Variants in NETO2 observed in about 807,000 individuals in gnomAD.
NETO2 encodes the protein neuropilin and tolloid like 2.
A neutral mutation model predicts 62.5 loss-of-function variants in NETO2; 28 were observed. The ratio of observed to expected loss-of-function variants is 0.45; its 90% CI spans 0.33 to 0.61. The LOEUF is 0.61. Among genes scored for constraint, NETO2 ranks in the 20% least tolerant of loss-of-function variants. The pLI is 0.02. For synonymous variants in NETO2, 214 were observed against 219.1 expected, an observed-to-expected ratio of 0.98 and a Z score of 0.21; for missense variants, 548 against 643.2, an observed-to-expected ratio of 0.85 and a Z score of 1.60.
chr16:47,128,788 A>T (rs1016147393), intron 3 of NETO2, among the ~76,000 whole-genome samples: 1 of 152,212 alleles, frequency 6.6e-6, no homozygotes, highest in Non-Finnish European at 1.5e-5. Context: ...GGCATATGCT[A>T]TCTACTAAAT....
At position 47,080,145 on chromosome 16, in the gene NETO2, T is replaced by G. The variant is rs1210188006; in HGVS notation, c.*3076A>C. On this transcript the variant is annotated 3_prime_UTR_variant, in exon 9 of 9. Transcript: ENST00000562435. ...TTGTTAAACGTTTAGATTGACACTC[T>G]CCCCACACACAAAAGGAATATCACA... 1 of 152,234 alleles carries G rather than the reference T, an allele frequency of 6.6e-6. No homozygotes were observed. The highest frequency in any genetic ancestry group is 2.4e-5 in the African/African-American group (1 of 41,452). 9.4% of individuals were successfully genotyped at this position (152,234 alleles called of 1,614,324 possible).
In NETO2 at chr16:47,081,013, T is replaced by C. The variant is rs1290856740; in HGVS notation, c.*2208A>G. 1 of 152,182 alleles carries C rather than the reference T, an allele frequency of 6.6e-6. No homozygotes were observed. Among genetic ancestry groups the C allele is most frequent in the East Asian group, 1.9e-4 (1 of 5,204 alleles). 9.4% of individuals were successfully genotyped at this position (152,182 alleles called of 1,614,324 possible). ...AAAACTGTGTACTTCTATTTTACTG[T>C]TATGTCTTCTTTAAAGGCTCTGTAT... On this transcript the variant is annotated 3_prime_UTR_variant, in exon 9 of 9. Transcript: ENST00000562435.
In NETO2 at chr16:47,128,338, A is replaced by G; in HGVS notation, c.468T>C (p.Tyr156=). Residue 156 remains tyrosine, a synonymous_variant, in exon 4 of 9, where the codon TAT becomes TAC. Transcript: ENST00000562435. ...ELEGLGFRAK[Y]SFIPDPDFTY... ...CTTATTCTTTACCTGGAATAAATGA[A>G]TATTTTGCTCGAAATCCCAGTCCTT... is the stretch of plus-strand genomic sequence containing the variant. The G allele has an allele frequency of 6.2e-7, 1 of 1,613,388 alleles. No individual in the cohort carries two copies. The highest frequency in any genetic ancestry group is 8.5e-7 in the Non-Finnish European group (1 of 1,179,690).
intron 6 of NETO2, among the ~76,000 whole-genome samples, chr16:47,120,465 G>A (rs1964014439): frequency 1.3e-5 from 2 of 152,076 alleles, no homozygotes; most frequent in Admixed American, 6.6e-5. Context: ...ATTACATTAG[G>A]ATAAATGGGG....
intron 1 of NETO2, among the ~76,000 whole-genome samples, chr16:47,132,721 G>C (rs1177320483): frequency 6.6e-6 from 1 of 152,234 alleles, no homozygotes; most frequent in Non-Finnish European, 1.5e-5. Context: ...CTGCCAGCCT[G>C]TCCCGAACTA....
intron 1 of NETO2, among the ~76,000 whole-genome samples, chr16:47,136,397 C>G (rs1325714142): frequency 6.6e-6 from 1 of 151,986 alleles, no homozygotes; most frequent in Non-Finnish European, 1.5e-5. Context: ...ATATATATAT[C>G]CAAGAATTAA....
intron 6 of NETO2, among the ~76,000 whole-genome samples, chr16:47,117,977 G>C (rs1333318981): frequency 6.6e-6 from 1 of 151,932 alleles, no homozygotes; most frequent in East Asian, 1.9e-4. Context: ...TTAATATTTG[G>C]GTTAGGGTTG....
intron 8 of NETO2, among the ~76,000 whole-genome samples, chr16:47,085,888 G>C (rs1963178731): frequency 6.6e-6 from 1 of 151,886 alleles, no homozygotes; most frequent in Non-Finnish European, 1.5e-5. Context: ...GGCAGATCAT[G>C]AGGTCAGGAG....
chr16:47,091,616 G>A (rs1209749964), intron 7 of NETO2, among the ~76,000 whole-genome samples: 2 of 152,184 alleles, frequency 1.3e-5, no homozygotes, highest in African/African-American at 4.8e-5. Context: ...TTGCAAGACT[G>A]GCCCTTGGGT....
At chr16:47,099,898 T>C (rs1963506097) in intron 7 of NETO2, among the ~76,000 whole-genome samples, 1 of 152,134 alleles carries the variant, frequency 6.6e-6, no homozygotes, top group Admixed American at 6.6e-5. Flanking sequence ...ATTAGACAGA[T>C]AACGAGACGG....
At chr16:47,090,173 G>C (rs144289325) in intron 7 of NETO2, among the ~76,000 whole-genome samples, 1 of 152,064 alleles carries the variant, frequency 6.6e-6, no homozygotes, top group Non-Finnish European at 1.5e-5. Flanking sequence ...TTACCACTCC[G>C]TGTTCATCAC....
intron 7 of NETO2, among the ~76,000 whole-genome samples, chr16:47,086,566 A>C (rs946516454): frequency 6.6e-6 from 1 of 152,224 alleles, no homozygotes; most frequent in African/African-American, 2.4e-5. Flanking sequence ...TGTAATGATA[A>C]TGAATGTATT....
intron 6 of NETO2, among the ~76,000 whole-genome samples, chr16:47,112,054 C>T (rs1189001007): frequency 6.6e-6 from 1 of 151,898 alleles, no homozygotes; most frequent in Admixed American, 6.6e-5. Flanking sequence ...ACATCGATGC[C>T]TTCTTTTGTA....
intron 7 of NETO2, among the ~76,000 whole-genome samples, chr16:47,087,260 G>A (rs1242907322): frequency 1.3e-5 from 2 of 152,112 alleles, no homozygotes; most frequent in Non-Finnish European, 2.9e-5. Context: ...TCCTGACCTC[G>A]TGATCCACCT....
At position 47,143,847 on chromosome 16, in the gene NETO2, C is replaced by CCCGT. The variant is rs1171548315; in HGVS notation, c.-239_-236dup. On this transcript the variant is annotated 5_prime_UTR_variant, in exon 1 of 9. An upstream open reading frame in the 5' UTR loses its in-frame stop. Coordinates refer to ENST00000562435, the MANE Select transcript of NETO2 (RefSeq NM_018092.5). Reference sequence around the variant, plus strand: ...GGCGCCGCCTCCTGCTCCGCGGCGCCCCGTCCCATCGACCGCCCGAGGGCC... The same window carrying CCCGT: ...GGCGCCGCCTCCTGCTCCGCGGCGCCCCGTCCGTCCCATCGACCGCCCGAGGGCC... 7.8e-6 allele frequency: 3 copies of CCCGT among 386,776 alleles called. No homozygotes were observed. The highest frequency in any genetic ancestry group is 4.1e-6 in the Non-Finnish European group (1 of 246,198). The allele number at this position is 386,776 out of a possible 1,614,324, so 24.0% of individuals were successfully genotyped here.
chr16:47,132,661 A>T (rs1964288505), intron 1 of NETO2, among the ~76,000 whole-genome samples: 1 of 152,224 alleles, frequency 6.6e-6, no homozygotes, highest in Admixed American at 6.5e-5. Context: ...TTGAAGATTT[A>T]AAGAAACATT....
intron 8 of NETO2, among the ~76,000 whole-genome samples, chr16:47,085,480 C>G (rs937789543): frequency 6.6e-6 from 1 of 151,936 alleles, no homozygotes. Flanking sequence ...CTGCCGAGTT[C>G]AAGCAATTCT....
chr16:47,138,039 G>A lies in NETO2; in HGVS notation c.34+5540C>T, dbSNP rs183554842. Among the ~76,000 whole-genome samples the A allele has an allele frequency of 2.9e-3, 434 of 152,236 alleles. 1 individual carries two copies. The highest frequency in any genetic ancestry group is 3.1e-3 in the Non-Finnish European group (210 of 68,014). On this transcript the variant is annotated intron_variant, in intron 1 of 8. Coordinates refer to ENST00000562435, the MANE Select transcript of NETO2 (RefSeq NM_018092.5). ...TGCCAGCTATTCTATCTTCATTATA[G>A]CTCCCATGTCTGCATTCTAGTTATC...
intron 1 of NETO2, among the ~76,000 whole-genome samples, chr16:47,135,964 C>T (rs1171722988): frequency 2.0e-5 from 3 of 152,030 alleles, no homozygotes; most frequent in Non-Finnish European, 4.4e-5. Flanking sequence ...AATAAATATA[C>T]TGAATAAAAC....
Sources: allele counts gnomAD v4.1 joint callset (sites outside exome capture counted in the v4.1 genomes callset), GRCh38; gene constraint gnomAD v4.1.1; transcripts MANE v1.5; gene names NCBI Gene and HGNC (gene_info 2026-07-23, HGNC 2026-07-21).